The following TENM3 variants were observed in gnomAD, a reference collection of about 807,000 sequenced individuals.
The protein encoded by TENM3 is teneurin transmembrane protein 3.
In TENM3, 63 loss-of-function variants were observed where a neutral mutation model predicts 255.1. That is an observed-to-expected ratio of 0.25 (90% CI 0.20 to 0.30). The LOEUF (loss-of-function observed/expected upper bound fraction) is 0.30. Among genes scored for constraint, TENM3 ranks in the 10% least tolerant of loss-of-function variants. The probability of loss-of-function intolerance (pLI) is 1.00; values close to 1 mark genes in which losing one functional copy is unlikely to be tolerated. For missense variants in TENM3, 2,929 were observed against 3,461.1 expected (o/e 0.85, Z 3.86); for synonymous variants, 1,306 against 1,322.3 (o/e 0.99, Z 0.27).
chr4:182,078,754 A>G, the TENM3 span, among the ~76,000 whole-genome samples: 9 of 152,112 alleles, frequency 5.9e-5, no homozygotes, highest in South Asian at 2.1e-4. Flanking sequence ...AGCAGAGGAA[A>G]TAGAGAGAGA....
the TENM3 span, among the ~76,000 whole-genome samples, chr4:181,884,273 T>C: frequency 3.0e-4 from 46 of 151,778 alleles, no homozygotes; most frequent in Non-Finnish European, 5.6e-4. Flanking sequence ...CGTTTATTTC[T>C]GAAATTTTTC....
the TENM3 span, among the ~76,000 whole-genome samples, chr4:181,750,033 T>A: frequency 3.3e-5 from 5 of 152,284 alleles, no homozygotes; most frequent in Middle Eastern, 0.01. Flanking sequence ...TGATGAGTGA[T>A]CAGCCTCTTA....
chr4:181,528,213 C>T, the TENM3 span, among the ~76,000 whole-genome samples: 3 of 151,930 alleles, frequency 2.0e-5, no homozygotes, highest in Non-Finnish European at 4.4e-5. Context: ...TTGGTATATA[C>T]CCCACCCAAT....
At chr4:182,708,234 C>A (rs1280635580) in intron 12 of TENM3, among the ~76,000 whole-genome samples, 1 of 152,060 alleles carries the variant, frequency 6.6e-6, no homozygotes, top group Non-Finnish European at 1.5e-5. Context: ...ACAAAGGAAG[C>A]CTTTATTATT....
chr4:181,888,516 G>GTGTATATATATATATATATATA, the TENM3 span, among the ~76,000 whole-genome samples: 2 of 41,510 alleles, frequency 4.8e-5, no homozygotes, highest in East Asian at 1.5e-3. Context: ...ATATATATAT[G>GTGTATATATATATATATATATA]TATATATATA....
At chr4:182,442,441 A>C (rs971100275) in intron 3 of TENM3, among the ~76,000 whole-genome samples, 3 of 152,196 alleles carry the variant, frequency 2.0e-5, no homozygotes, top group Non-Finnish European at 4.4e-5. Flanking sequence ...GGCTATTGCC[A>C]CTATAGACAA....
At chr4:181,550,631 G>A in the TENM3 span, among the ~76,000 whole-genome samples, 56 of 152,278 alleles carry the variant, frequency 3.7e-4, no homozygotes, top group Middle Eastern at 3.4e-3. Context: ...ATATGCCATG[G>A]TATGACCACA....
At chr4:181,910,450 A>G in the TENM3 span, among the ~76,000 whole-genome samples, 24 of 151,690 alleles carry the variant, frequency 1.6e-4, no homozygotes, top group South Asian at 1.0e-3. Context: ...AGGCAGGAGA[A>G]TCACTTGAAC....
At chr4:181,721,423 C>T in the TENM3 span, among the ~76,000 whole-genome samples, 1 of 134,824 alleles carries the variant, frequency 7.4e-6, no homozygotes, top group Non-Finnish European at 1.6e-5. Flanking sequence ...GGTGAAACCC[C>T]GTCTCTACTA....
chr4:181,495,963 T>C, the TENM3 span, among the ~76,000 whole-genome samples: 1 of 149,978 alleles, frequency 6.7e-6, no homozygotes, highest in East Asian at 2.0e-4. Context: ...CTGGGGTGCT[T>C]ACTGTTTACA....
chr4:181,770,497 A>G, the TENM3 span, among the ~76,000 whole-genome samples: 1 of 151,912 alleles, frequency 6.6e-6, no homozygotes, highest in Non-Finnish European at 1.5e-5. Context: ...ACAGGGTGAA[A>G]CCCCGTCTCT....
intron 11 of TENM3, among the ~76,000 whole-genome samples, chr4:182,687,910 T>A (rs993780734): frequency 6.6e-6 from 1 of 152,200 alleles, no homozygotes; most frequent in African/African-American, 2.4e-5. Context: ...TTCTAACAAT[T>A]GTCATGTGTA....
At chr4:181,953,966 C>G in the TENM3 span, among the ~76,000 whole-genome samples, 2 of 152,124 alleles carry the variant, frequency 1.3e-5, no homozygotes, top group Non-Finnish European at 2.9e-5. Flanking sequence ...CCCCAGCAAC[C>G]ACAGTCTTCT....
chr4:182,726,362 G>A (rs969046190), intron 13 of TENM3, among the ~76,000 whole-genome samples: 1 of 5,232 alleles, frequency 1.9e-4, no homozygotes, highest in South Asian at 4.8e-3. Flanking sequence ...AGCCCAGGAG[G>A]TCAAGCGCAG....
intron 1 of TENM3, among the ~76,000 whole-genome samples, chr4:182,150,982 T>C (rs1455859428): frequency 1.3e-5 from 2 of 152,098 alleles, no homozygotes; most frequent in Non-Finnish European, 2.9e-5. Flanking sequence ...AATGAATTAT[T>C]TCCTCTTGAG....
the TENM3 span, among the ~76,000 whole-genome samples, chr4:181,912,140 A>G: frequency 2.6e-5 from 4 of 152,224 alleles, no homozygotes; most frequent in East Asian, 7.7e-4. Flanking sequence ...TAAGCACTGG[A>G]CTGATCTTCA....
At chr4:182,673,842 G>A (rs181766823) in intron 7 of TENM3, among the ~76,000 whole-genome samples, 241 of 152,264 alleles carry the variant, frequency 1.6e-3, no homozygotes, top group Middle Eastern at 0.01. Context: ...CTTTAAAGTC[G>A]TTTCCCTTGC....
At chr4:181,651,083 G>T in the TENM3 span, among the ~76,000 whole-genome samples, 2 of 152,090 alleles carry the variant, frequency 1.3e-5, no homozygotes, top group East Asian at 3.9e-4. Flanking sequence ...CTGAAATTTT[G>T]GGAATAAAAA....
the TENM3 span, among the ~76,000 whole-genome samples, chr4:181,763,206 G>A: frequency 6.6e-6 from 1 of 152,206 alleles, no homozygotes; most frequent in Non-Finnish European, 1.5e-5. Context: ...TTTTACTAAA[G>A]GAATTGTTGC....
Sources: allele counts gnomAD v4.1 joint callset (sites outside exome capture counted in the v4.1 genomes callset), GRCh38; gene constraint gnomAD v4.1.1; transcripts MANE v1.5; gene names NCBI Gene and HGNC (gene_info 2026-07-23, HGNC 2026-07-21).